Variants in KIF1A observed in about 807,000 individuals in gnomAD.
KIF1A encodes kinesin family member 1A, also known as kinesin-like protein KIF1A.
A neutral mutation model predicts 227.3 loss-of-function variants in KIF1A; 46 were observed. The ratio of observed to expected loss-of-function variants is 0.20; its 90% CI spans 0.16 to 0.26. The LOEUF is 0.26. KIF1A is among the 10% of genes least tolerant of loss of function. The pLI is 1.00. For missense variants in KIF1A, 1,683 were observed against 2,485.9 expected, an observed-to-expected ratio of 0.68 and a Z score of 6.87; for synonymous variants, 1,022 against 1,012.8, an observed-to-expected ratio of 1.01 and a Z score of -0.17.
chr2:240,813,027 C>T (rs1443434971), intron 1 of KIF1A, among the ~76,000 whole-genome samples: 1 of 152,196 alleles, frequency 6.6e-6, no homozygotes, highest in African/African-American at 2.4e-5. Flanking sequence ...TCTGCCTTCA[C>T]CTCAAGGATC....
chr2:240,773,314 C>G, intron 12 of KIF1A, 58 bp from the exon 13 acceptor site: 1 of 1,602,904 alleles, frequency 6.2e-7, no homozygotes, highest in Non-Finnish European at 8.5e-7. Context: ...CTGGCAGGTC[C>G]CAAGGGTGCC....
At chr2:240,749,494 G>T (rs1392829301) in intron 28 of KIF1A, among the ~76,000 whole-genome samples, 1 of 152,190 alleles carries the variant, frequency 6.6e-6, no homozygotes, top group African/African-American at 2.4e-5. Flanking sequence ...TCCCTAGGGT[G>T]CCCAGGCAGC....
intron 20 of KIF1A, among the ~76,000 whole-genome samples, chr2:240,764,938 T>C (rs4676371): frequency 4.0e-5 from 6 of 151,818 alleles, no homozygotes; most frequent in African/African-American, 1.2e-4. Flanking sequence ...CAGCCTGCCC[T>C]GAGTTCCCAG....
At position 240,713,865 on chromosome 2, in the gene KIF1A, G is replaced by C. The variant is rs566825730; in HGVS notation, c.*3499C>G. On this transcript the variant is annotated 3_prime_UTR_variant, in exon 49 of 49. Coordinates refer to ENST00000498729, the MANE Select transcript of KIF1A (RefSeq NM_001244008.2). ...GGCTAACACTCGGGTGTAAGACATC[G>C]GGACAGGCGTCGTGACGTCGGGACG... 1.3e-5 allele frequency: 2 copies of C among 152,938 alleles called. No individual in the cohort carries two copies. The highest frequency in any genetic ancestry group is 3.7e-4 in the East Asian group (2 of 5,338). 9.5% of individuals were successfully genotyped at this position (152,938 alleles called of 1,614,324 possible). A position where few individuals can be genotyped will look rare whatever the true frequency, so the allele number is the denominator to read the frequency against.
At chr2:240,818,004 A>T (rs2058450546) in intron 1 of KIF1A, among the ~76,000 whole-genome samples, 1 of 152,112 alleles carries the variant, frequency 6.6e-6, no homozygotes, top group Non-Finnish European at 1.5e-5. Context: ...GGCCGGCTGG[A>T]GCCCCAGATG....
intron 10 of KIF1A, among the ~76,000 whole-genome samples, chr2:240,780,868 CCACACACACACAGCTCCACA>C (rs1559522686): frequency 4.3e-4 from 26 of 60,402 alleles, no homozygotes; most frequent in African/African-American, 3.0e-3. Context: ...ACACACAGCT[CCACACACACACAGCTCCACA>C]CACACACACA....
At chr2:240,767,735 G>T (rs2051397605) in intron 17 of KIF1A, among the ~76,000 whole-genome samples, 2 of 152,256 alleles carry the variant, frequency 1.3e-5, no homozygotes, top group South Asian at 4.1e-4. Flanking sequence ...GTCCCATGGG[G>T]TCCTGGGTTC....
Position 240,763,258 on chromosome 2 carries a change from C to T in KIF1A, c.1857G>A (p.Ala619=), listed in dbSNP as rs1205868084. ...AGTCCACAGGCTCAGCTGGCGTCTC[C>T]GCACAAGGCGTGCGCTCACGCTCCT... ...ARQERERTPC[A]ETPAEPVDWA... Residue 619 remains alanine (A), a synonymous_variant, in exon 21 of 49, where the codon GCG becomes GCA. Coordinates refer to ENST00000498729, the MANE Select transcript of KIF1A (RefSeq NM_001244008.2). 3 of 1,612,310 alleles carry T rather than the reference C, an allele frequency of 1.9e-6. No individual in the cohort carries two copies. The highest frequency in any genetic ancestry group is 2.2e-5 in the South Asian group (2 of 90,730).
At chr2:240,813,319 T>A (rs1469363661) in intron 1 of KIF1A, among the ~76,000 whole-genome samples, 1 of 152,156 alleles carries the variant, frequency 6.6e-6, no homozygotes. Flanking sequence ...AGCCCCCAAC[T>A]GCAAAGGGCG....
At chr2:240,727,188 T>C (rs920123497) in intron 38 of KIF1A, among the ~76,000 whole-genome samples, 2 of 151,926 alleles carry the variant, frequency 1.3e-5, no homozygotes, top group African/African-American at 4.8e-5. Flanking sequence ...CCACCACAAA[T>C]GGTGCCCCAG....
chr2:240,737,934 T>C (rs984571547), intron 37 of KIF1A, among the ~76,000 whole-genome samples: 1 of 152,230 alleles, frequency 6.6e-6, no homozygotes, highest in South Asian at 2.1e-4. Flanking sequence ...TTTGTGTTGA[T>C]GGGTGCACAC....
intron 1 of KIF1A, among the ~76,000 whole-genome samples, chr2:240,805,645 G>C (rs2057349795): frequency 6.8e-6 from 1 of 146,030 alleles, no homozygotes; most frequent in African/African-American, 2.6e-5. Context: ...TAAATTAATG[G>C]ACATATGTGC....
At chr2:240,734,650 G>T in intron 38 of KIF1A, 1 of 1,208,408 alleles carries the variant, frequency 8.3e-7, no homozygotes, top group Non-Finnish European at 1.1e-6. Context: ...GGGGCGGTCA[G>T]GGGAGGAGCA....
chr2:240,747,867 C>T (rs894885726), intron 28 of KIF1A, among the ~76,000 whole-genome samples: 1 of 152,254 alleles, frequency 6.6e-6, no homozygotes, highest in Admixed American at 6.5e-5. Flanking sequence ...AAGCCCTGAG[C>T]TCTGTCCTGC....
Position 240,740,143 on chromosome 2 carries a change from C to G in KIF1A, c.3817-1G>C. 6.3e-7 allele frequency: 1 copy of G among 1,589,590 alleles called. No homozygotes were observed. Among genetic ancestry groups the G allele is most frequent in the Non-Finnish European group, 8.6e-7 (1 of 1,168,350 alleles). On this transcript the variant is annotated splice_acceptor_variant, in intron 36 of 48. Coordinates refer to ENST00000498729, the MANE Select transcript of KIF1A (RefSeq NM_001244008.2). LOFTEE classifies it high-confidence loss of function. The surrounding 1 kb of genome is among the most constrained non-coding windows in gnomAD (Gnocchi z 6.1). ...TCACCGTAATCCGTCGCTGGATGCCCTGCCGGTGCCAGGTGAGAGGATATG... is the reference window on the plus strand; with the variant it reads ...TCACCGTAATCCGTCGCTGGATGCCGTGCCGGTGCCAGGTGAGAGGATATG...
intron 37 of KIF1A, among the ~76,000 whole-genome samples, chr2:240,738,459 G>A (rs1301056893): frequency 6.6e-6 from 1 of 152,192 alleles, no homozygotes; most frequent in Non-Finnish European, 1.5e-5. Flanking sequence ...CCTCTTGGGA[G>A]GGATGCTGAG....
rs1453599218 is a variant in KIF1A, at chr2:240,726,521, G to T, written c.4122+305C>A. Among the ~76,000 whole-genome samples, 2 of 152,308 alleles carry T rather than the reference G, an allele frequency of 1.3e-5. No individual in the cohort carries two copies. The highest frequency in any genetic ancestry group is 3.9e-4 in the East Asian group (2 of 5,188). The stretch of plus-strand genomic sequence containing the variant: ...AGCTACTTGGGAGGCTGAGGCAGGA[G>T]AATCGCTTGAGCCTGGGAAGCGGAG... On this transcript the variant is annotated intron_variant, in intron 39 of 48. Coordinates refer to ENST00000498729, the MANE Select transcript of KIF1A (RefSeq NM_001244008.2). The surrounding 1 kb of genome is among the most constrained non-coding windows in gnomAD (Gnocchi z 5.2).
At chr2:240,749,865 C>T (rs912749013) in intron 28 of KIF1A, among the ~76,000 whole-genome samples, 1 of 152,204 alleles carries the variant, frequency 6.6e-6, no homozygotes. Flanking sequence ...AGGCCTGTGC[C>T]TGAGAGACCA....
At chr2:240,773,533 G>A (rs377561986) in intron 12 of KIF1A, among the ~76,000 whole-genome samples, 1 of 152,308 alleles carries the variant, frequency 6.6e-6, no homozygotes, top group African/African-American at 2.4e-5. Flanking sequence ...AGGTGAGAAG[G>A]GACAGGGTGG....
Sources: allele counts gnomAD v4.1 joint callset (sites outside exome capture counted in the v4.1 genomes callset), GRCh38; gene constraint gnomAD v4.1.1; non-coding constraint Gnocchi (gnomAD v3.1); transcripts MANE v1.5; gene names NCBI Gene and HGNC (gene_info 2026-07-23, HGNC 2026-07-21).